Variants in OR56B2 observed in about 807,000 individuals in gnomAD.
OR56B2 encodes the protein olfactory receptor 56B2.
At chr11:5,764,373 C>T in the OR56B2 span, among the ~76,000 whole-genome samples, 1 of 140,318 alleles carries the variant, frequency 7.1e-6, no homozygotes, top group Non-Finnish European at 1.6e-5. Context: ...CATTAGAATA[C>T]TCCAAAAACC....
chr11:5,762,541 A>T, the OR56B2 span, among the ~76,000 whole-genome samples: 1 of 151,982 alleles, frequency 6.6e-6, no homozygotes, highest in Non-Finnish European at 1.5e-5. Context: ...TTTGCAAGAG[A>T]TTTACATTTA....
At chr11:5,767,593 A>C in the OR56B2 span, 1 of 139,888 alleles carries the variant, frequency 7.1e-6, no homozygotes, top group African/African-American at 2.6e-5. Context: ...TATATATAGA[A>C]TAAAACTTAT....
chr11:5,768,474 T>G, the OR56B2 span, among the ~76,000 whole-genome samples: 4 of 139,994 alleles, frequency 2.9e-5, 1 homozygote, highest in Non-Finnish European at 4.7e-5. Flanking sequence ...CATCTGTTGA[T>G]GGACACAGGT....
At chr11:5,762,659 G>A in the OR56B2 span, among the ~76,000 whole-genome samples, 25,716 of 151,858 alleles carry the variant, frequency 0.17, 2,326 homozygotes, top group East Asian at 0.24. Context: ...TTTCAAAATA[G>A]CTGGAAGAGA....
the OR56B2 span, among the ~76,000 whole-genome samples, chr11:5,763,224 G>A: frequency 6.6e-6 from 1 of 151,846 alleles, no homozygotes; most frequent in Non-Finnish European, 1.5e-5. Flanking sequence ...ATCTTGTCTT[G>A]ATGAGATATC....
chr11:5,764,000 G>A, the OR56B2 span, among the ~76,000 whole-genome samples: 1 of 139,934 alleles, frequency 7.1e-6, no homozygotes, highest in Non-Finnish European at 1.6e-5. Flanking sequence ...TGAATATATC[G>A]ACCAAGTCAA....
At chr11:5,767,956 T>C in the OR56B2 span, among the ~76,000 whole-genome samples, 2 of 139,760 alleles carry the variant, frequency 1.4e-5, no homozygotes, top group Non-Finnish European at 3.2e-5. Flanking sequence ...AGTTTCCTTT[T>C]GAGGTAATGG....
At chr11:5,762,045 T>C in the OR56B2 span, among the ~76,000 whole-genome samples, 1 of 152,126 alleles carries the variant, frequency 6.6e-6, no homozygotes, top group Non-Finnish European at 1.5e-5. Context: ...CAAGAAGTAA[T>C]ATTAATGTTT....
At chr11:5,768,777 ATACT>A in the OR56B2 span, among the ~76,000 whole-genome samples, 36 of 140,386 alleles carry the variant, frequency 2.6e-4, 4 homozygotes, top group Admixed American at 1.0e-3. Context: ...GAACAGGAAA[ATACT>A]TAAGGAAGTG....
chr11:5,762,843 A>G, the OR56B2 span, among the ~76,000 whole-genome samples: 2 of 152,060 alleles, frequency 1.3e-5, no homozygotes, highest in Non-Finnish European at 2.9e-5. Flanking sequence ...TACCATAACC[A>G]TACTTTGTCA....
chr11:5,769,037 A>G, the OR56B2 span, among the ~76,000 whole-genome samples: 1 of 139,884 alleles, frequency 7.1e-6, no homozygotes, highest in Non-Finnish European at 1.6e-5. Flanking sequence ...TACACTTAAT[A>G]AAAACAAACA....
chr11:5,762,836 C>T, the OR56B2 span, among the ~76,000 whole-genome samples: 2 of 151,744 alleles, frequency 1.3e-5, no homozygotes, highest in African/African-American at 2.4e-5. Context: ...TATACTTTAC[C>T]ATAACCATAC....
At chr11:5,763,258 T>C in the OR56B2 span, among the ~76,000 whole-genome samples, 32 of 152,298 alleles carry the variant, frequency 2.1e-4, no homozygotes, top group East Asian at 2.7e-3. Flanking sequence ...TACCCCTTGA[T>C]TGTTTCAACA....
the OR56B2 span, chr11:5,765,511 G>A: frequency 2.1e-5 from 3 of 140,400 alleles, no homozygotes; most frequent in Non-Finnish European, 3.2e-5. Context: ...CGACCGCTAC[G>A]ATATCCATCA....
At chr11:5,768,457 A>T in the OR56B2 span, among the ~76,000 whole-genome samples, 2 of 139,580 alleles carry the variant, frequency 1.4e-5, no homozygotes. Flanking sequence ...CATTTTTTTT[A>T]TCCAGTCATC....
chr11:5,767,517 A>C, the OR56B2 span: 1 of 139,556 alleles, frequency 7.2e-6, no homozygotes, highest in Non-Finnish European at 1.6e-5. Flanking sequence ...TAGATATACT[A>C]ATCAGCTTCA....
At chr11:5,762,642 T>C in the OR56B2 span, among the ~76,000 whole-genome samples, 2 of 152,172 alleles carry the variant, frequency 1.3e-5, no homozygotes, top group East Asian at 3.9e-4. Context: ...CAATAATCTA[T>C]TGTACATTTC....
At chr11:5,766,512 A>G in the OR56B2 span, 1 of 139,986 alleles carries the variant, frequency 7.1e-6, no homozygotes, top group African/African-American at 2.6e-5. Flanking sequence ...TTAATTTGCA[A>G]AGGACTTGAA....
At chr11:5,767,380 T>C in the OR56B2 span, 3 of 139,426 alleles carry the variant, frequency 2.2e-5, no homozygotes, top group African/African-American at 7.9e-5. Flanking sequence ...GGATCAAATT[T>C]CAACCTGATT....
Sources: allele counts gnomAD v4.1 joint callset (sites outside exome capture counted in the v4.1 genomes callset), GRCh38; gene constraint gnomAD v4.1.1; transcripts MANE v1.5; gene names NCBI Gene and HGNC (gene_info 2026-07-23, HGNC 2026-07-21).